The following ZYG11A variants were observed in gnomAD, a reference collection of about 807,000 sequenced individuals.
The protein encoded by ZYG11A is protein zyg-11 homolog A.
A neutral mutation model predicts 77.2 loss-of-function variants in ZYG11A; 62 were observed. That is an observed-to-expected ratio of 0.80 (90% confidence interval 0.65 to 0.99). The LOEUF (loss-of-function observed/expected upper bound fraction) is 0.99, where lower values mean the gene tolerates loss of function less well. Among genes scored for constraint, ZYG11A ranks in the 50% least tolerant of loss-of-function variants. The probability of loss-of-function intolerance (pLI) is 0.00; values close to 1 mark genes in which losing one functional copy is unlikely to be tolerated. For synonymous variants in ZYG11A, 315 were observed against 324.6 expected (o/e 0.97, Z 0.32); for missense variants, 828 against 896.8 (o/e 0.92, Z 0.98).
chr1:52,857,225 C>T lies in ZYG11A; in HGVS notation c.484C>T (p.Leu162=). Residue 162 remains leucine, a synonymous_variant, in exon 3 of 14, where the codon CTG becomes TTG. Transcript: ENST00000371528. Reference sequence around the variant, plus strand: ...GATCCAGCAAAACCTCCAGTGTCTCCTGTTAGACTCGACAAGCATCCCTCA... The same window carrying T: ...GATCCAGCAAAACCTCCAGTGTCTCTTGTTAGACTCGACAAGCATCCCTCA... The part of the protein sequence containing the change: ...RWIQQNLQCL[L]LDSTSIPQNS... 5.2e-6 allele frequency: 8 copies of T among 1,552,234 alleles called. No individual in the cohort carries two copies. The highest frequency in any genetic ancestry group is 7.0e-6 in the Non-Finnish European group (8 of 1,147,132).
rs903983917 is a variant in ZYG11A, at chr1:52,877,770, C to G, written c.1631C>G (p.Thr544Arg). 14 of 1,551,828 alleles carry G rather than the reference C, an allele frequency of 9.0e-6. 1 individual carries two copies. The highest frequency in any genetic ancestry group is 1.4e-5 in the African/African-American group (1 of 73,052). The change falls in exon 9 of 14, where the codon ACA becomes AGA. Residue 544 changes from threonine (T) to arginine (R), a missense_variant. By Grantham distance (71) the Thr-to-Arg change is moderately conservative. Coordinates refer to ENST00000371528, the MANE Select transcript of ZYG11A (RefSeq NM_001004339.3). ...LFTLKALWNL[T>R]DGSPAACKHF... ...ACTTTGAAAGCACTTTGGAATCTTA[C>G]AGATGGGTCTCCAGCTGCCTGCAAG... is the stretch of plus-strand genomic sequence containing the variant.
intron 5 of ZYG11A, among the ~76,000 whole-genome samples, chr1:52,865,090 A>G (rs1306659279): frequency 6.6e-6 from 1 of 150,646 alleles, no homozygotes; most frequent in Non-Finnish European, 1.5e-5. Context: ...TTACAGGCGC[A>G]TGCCACCATG....
At chr1:52,881,369 C>A in intron 10 of ZYG11A, 102 bp from the exon 11 acceptor site, 1 of 814,798 alleles carries the variant, frequency 1.2e-6, no homozygotes. Context: ...AATAAGAGTT[C>A]TGAATTTATC....
chr1:52,876,932 A>G (rs184892457), intron 8 of ZYG11A, among the ~76,000 whole-genome samples: 1 of 152,252 alleles, frequency 6.6e-6, no homozygotes, highest in African/African-American at 2.4e-5. Flanking sequence ...TACTAGCTTG[A>G]CTTCTTTCTA....
intron 3 of ZYG11A, among the ~76,000 whole-genome samples, chr1:52,859,523 G>C (rs910313866): frequency 1.3e-5 from 2 of 151,200 alleles, no homozygotes; most frequent in South Asian, 2.1e-4. Context: ...TTTTAGTAGA[G>C]ATGGTGTTTC....
At chr1:52,878,111 A>G (rs908521959) in intron 10 of ZYG11A, 142 bp downstream of exon 10, 62 of 712,124 alleles carry the variant, frequency 8.7e-5, no homozygotes, top group Non-Finnish European at 1.2e-4. Context: ...CCTACAGAGT[A>G]AATACTATTG....
chr1:52,871,240 C>G (rs1291940041), intron 8 of ZYG11A, among the ~76,000 whole-genome samples: 1 of 152,136 alleles, frequency 6.6e-6, no homozygotes, highest in African/African-American at 2.4e-5. Context: ...TTCCTGGGCT[C>G]AAGCGACCCT....
Position 52,864,040 on chromosome 1 carries a change from T to C in ZYG11A, c.1209T>C (p.Ser403=). 6.4e-7 allele frequency: 1 copy of C among 1,551,822 alleles called. No individual in the cohort carries two copies. The highest frequency in any genetic ancestry group is 1.2e-5 in the South Asian group (1 of 84,066). Reference sequence around the variant, plus strand: ...ATTTGCGAGTGCAGTTCACAGCCAGTGCTTGCGCTCTCAACCTAACACGCC... The same window carrying C: ...ATTTGCGAGTGCAGTTCACAGCCAGCGCTTGCGCTCTCAACCTAACACGCC... ...PLDLRVQFTA[S]ACALNLTRQG... The change falls in exon 5 of 14, where the codon AGT becomes AGC. Residue 403 remains serine, a synonymous_variant. Coordinates refer to ENST00000371528, the MANE Select transcript of ZYG11A (RefSeq NM_001004339.3).
chr1:52,867,293 AT>A (rs1400393537), intron 6 of ZYG11A, among the ~76,000 whole-genome samples: 2 of 151,892 alleles, frequency 1.3e-5, no homozygotes, highest in African/African-American at 4.8e-5. Context: ...TGATAAATAC[AT>A]TTTTTCTTAG....
chr1:52,863,935 A>G (rs1404677692), intron 4 of ZYG11A, 46 bp from the exon 5 acceptor site: 1 of 1,497,000 alleles, frequency 6.7e-7, no homozygotes, highest in South Asian at 1.3e-5. Flanking sequence ...GACAGCATAG[A>G]GAATGTTACT....
At chr1:52,886,139 A>G (rs1308577837) in intron 12 of ZYG11A, among the ~76,000 whole-genome samples, 2 of 151,916 alleles carry the variant, frequency 1.3e-5, no homozygotes, top group Non-Finnish European at 2.9e-5. Flanking sequence ...TCACCATGTT[A>G]GCCAGGATGG....
At chr1:52,858,385 AAAG>A (rs903034090) in intron 3 of ZYG11A, among the ~76,000 whole-genome samples, 4 of 151,608 alleles carry the variant, frequency 2.6e-5, no homozygotes, top group African/African-American at 4.8e-5. Flanking sequence ...CTCAAAAAAA[AAAG>A]AAGATATAGT....
intron 2 of ZYG11A, among the ~76,000 whole-genome samples, chr1:52,855,479 C>T (rs1188378781): frequency 2.6e-5 from 4 of 151,932 alleles, no homozygotes; most frequent in Middle Eastern, 6.8e-3. Flanking sequence ...CGTGAGGCAC[C>T]GTGCCTGGCC....
chr1:52,851,805 T>C (rs1645717272), intron 1 of ZYG11A, among the ~76,000 whole-genome samples: 1 of 151,864 alleles, frequency 6.6e-6, no homozygotes, highest in South Asian at 2.1e-4. Flanking sequence ...TGGAGTGCAG[T>C]GGTGTGATCT....
At position 52,857,522 on chromosome 1, in the gene ZYG11A, C is replaced by CT. The variant is rs377463386; in HGVS notation, c.783dup (p.Asp262Ter). 14 of 1,551,978 alleles carry CT rather than the reference C, an allele frequency of 9.0e-6. No individual in the cohort carries two copies. The highest frequency in any genetic ancestry group is 1.0e-5 in the Non-Finnish European group (12 of 1,147,086). On this transcript the variant is annotated frameshift_variant, in exon 3 of 14. Transcript: ENST00000371528. LOFTEE classifies it high-confidence loss of function. ...TAGAGAACTTAAATGTCTGCTTCAC[C>CT]TTGATATTTCTGATCACAGGCAACT...
chr1:52,884,425 G>A (rs1252718687), intron 11 of ZYG11A, among the ~76,000 whole-genome samples: 6 of 150,986 alleles, frequency 4.0e-5, no homozygotes, highest in African/African-American at 1.5e-4. Flanking sequence ...GAACCTGGGA[G>A]GTGGAGCTTG....
chr1:52,891,525 T>A (rs972549860), intron 13 of ZYG11A, among the ~76,000 whole-genome samples: 1 of 151,876 alleles, frequency 6.6e-6, no homozygotes, highest in African/African-American at 2.4e-5. Context: ...TATATTAATT[T>A]CTCAGCAATA....
At chr1:52,882,361 T>C (rs918344321) in intron 11 of ZYG11A, among the ~76,000 whole-genome samples, 2 of 152,244 alleles carry the variant, frequency 1.3e-5, no homozygotes, top group African/African-American at 4.8e-5. Context: ...ATACATATTC[T>C]GTACACTTCA....
chr1:52,843,086 C>T, intron 1 of ZYG11A, 113 bp downstream of exon 1: 2 of 902,138 alleles, frequency 2.2e-6, no homozygotes, highest in South Asian at 2.2e-5. Context: ...GTGTGGCCCG[C>T]GCGGGGCTGC....
Sources: gnomAD v4.1 joint callset for allele counts (sites outside exome capture counted in the v4.1 genomes callset) on GRCh38, gnomAD v4.1.1 for gene constraint, MANE v1.5 for transcripts, NCBI Gene and HGNC (gene_info 2026-07-23, HGNC 2026-07-21) for gene names.